Variants in NOL10 observed in about 807,000 individuals in gnomAD.
The protein encoded by NOL10 is nucleolar protein 10, also known as H_NH0074G24.1.
NOL10 carries 58 observed loss-of-function variants against 103.5 expected under a neutral mutation model. That is an observed-to-expected ratio of 0.56 (90% CI 0.45 to 0.70). The LOEUF is 0.70. Ranked by LOEUF, NOL10 falls within the 30% of genes least tolerant of loss-of-function variation. The pLI is 0.00. For synonymous variants in NOL10, 287 were observed against 282.5 expected (o/e 1.02, Z -0.16); for missense variants, 763 against 807.3 (o/e 0.95, Z 0.67).
At chr2:10,655,366 A>G (rs1387539137) in intron 11 of NOL10, among the ~76,000 whole-genome samples, 1 of 152,212 alleles carries the variant, frequency 6.6e-6, no homozygotes, top group Admixed American at 6.5e-5. Context: ...ATGGAAAATG[A>G]GGACAACACT....
chr2:10,633,973 C>T (rs900069605), intron 13 of NOL10, among the ~76,000 whole-genome samples: 8 of 152,018 alleles, frequency 5.3e-5, no homozygotes, highest in African/African-American at 1.7e-4. Context: ...ACTACAGACA[C>T]ATGTCACCAC....
intron 3 of NOL10, among the ~76,000 whole-genome samples, chr2:10,677,878 CAT>C (rs1001869926): frequency 7.5e-5 from 9 of 120,322 alleles, no homozygotes; most frequent in Admixed American, 1.7e-4. Flanking sequence ...TGTGTATACA[CAT>C]ATATATGCGT....
intron 17 of NOL10, among the ~76,000 whole-genome samples, chr2:10,592,869 T>C (rs1020922777): frequency 5.3e-5 from 8 of 152,216 alleles, no homozygotes; most frequent in African/African-American, 1.9e-4. Flanking sequence ...TTCACAGCTG[T>C]CTTAAGGAAA....
At chr2:10,653,384 T>C (rs943713764) in intron 12 of NOL10, among the ~76,000 whole-genome samples, 6 of 152,080 alleles carry the variant, frequency 3.9e-5, no homozygotes, top group African/African-American at 1.4e-4. Flanking sequence ...AAAGAAGCCA[T>C]AATCTTTCCA....
chr2:10,635,777 C>T (rs891831155), intron 13 of NOL10, among the ~76,000 whole-genome samples: 2 of 152,204 alleles, frequency 1.3e-5, no homozygotes, highest in African/African-American at 4.8e-5. Context: ...TATATCCTTA[C>T]TGAACAAATA....
At chr2:10,587,332 G>T (rs1449186878) in intron 19 of NOL10, among the ~76,000 whole-genome samples, 1 of 139,916 alleles carries the variant, frequency 7.1e-6, no homozygotes, top group African/African-American at 2.8e-5. Context: ...GTGCAGTGGC[G>T]TGATCTCAGC....
At chr2:10,611,658 G>A (rs1163270479) in intron 13 of NOL10, among the ~76,000 whole-genome samples, 1 of 152,130 alleles carries the variant, frequency 6.6e-6, no homozygotes, top group African/African-American at 2.4e-5. Context: ...GCTCACACCT[G>A]TAATCCCAGC....
rs750411164 is a variant in NOL10, at chr2:10,602,820, G to A, written c.1288C>T (p.Arg430Ter). The A allele has an allele frequency of 4.3e-6, 7 of 1,609,552 alleles. No individual in the cohort carries two copies. The Admixed American group carries it at 5.0e-5, about 12-fold the overall frequency. ...GCACGTGTTTCTTCTATTTTCTGTCGTATTTTATCTTTCCTATATTCTTCA... is the reference window on the plus strand; with the variant it reads ...GCACGTGTTTCTTCTATTTTCTGTCATATTTTATCTTTCCTATATTCTTCA... ...AYEEYRKDKI[R>*]QKIEETRAQR... Residue 430 changes from arginine (R) to a stop codon, truncating the protein, a stop_gained, in exon 16 of 21, where the codon CGA becomes TGA. Coordinates refer to ENST00000381685, the MANE Select transcript of NOL10 (RefSeq NM_024894.4). LOFTEE classifies it high-confidence loss of function.
intron 13 of NOL10, among the ~76,000 whole-genome samples, chr2:10,628,253 C>T (rs1409920102): frequency 6.6e-6 from 1 of 152,130 alleles, no homozygotes; most frequent in Non-Finnish European, 1.5e-5. Context: ...CAACTTACCA[C>T]CACTAGCAGA....
intron 19 of NOL10, among the ~76,000 whole-genome samples, chr2:10,579,218 G>A (rs939198735): frequency 6.6e-6 from 1 of 152,100 alleles, no homozygotes; most frequent in Non-Finnish European, 1.5e-5. Flanking sequence ...CATAAAAGTG[G>A]CACTCTTTTC....
At chr2:10,612,548 G>A (rs982226621) in intron 13 of NOL10, among the ~76,000 whole-genome samples, 6 of 151,990 alleles carry the variant, frequency 3.9e-5, no homozygotes, top group African/African-American at 1.2e-4. Flanking sequence ...CGTATCCCAG[G>A]CTGGAGTACA....
intron 13 of NOL10, among the ~76,000 whole-genome samples, chr2:10,636,079 G>T (rs1308593730): frequency 6.6e-6 from 1 of 151,946 alleles, no homozygotes; most frequent in Non-Finnish European, 1.5e-5. Context: ...GTAGAGACAG[G>T]GTTTCGCCTT....
rs192939024 is a variant in NOL10 at position 10,612,951 on chromosome 2, C to A, written c.1027-5640G>T. Among the ~76,000 whole-genome samples, 275 of 151,014 alleles carry A rather than the reference C, an allele frequency of 1.8e-3. 1 individual carries two copies. The highest frequency in any genetic ancestry group is 1.9e-4 in the Non-Finnish European group (13 of 67,868). Reference sequence around the variant, plus strand: ...GGCTGAGATGGGAGGATCACCTGAGCCATGATCACGCCACTGCATTCCAGC... The same window carrying A: ...GGCTGAGATGGGAGGATCACCTGAGACATGATCACGCCACTGCATTCCAGC... On this transcript the variant is annotated intron_variant, in intron 13 of 20. Transcript: ENST00000381685.
At chr2:10,648,194 A>G (rs774439632) in intron 12 of NOL10, among the ~76,000 whole-genome samples, 17 of 152,228 alleles carry the variant, frequency 1.1e-4, no homozygotes, top group Admixed American at 7.2e-4. Context: ...CAGCCTTGGT[A>G]TAAGAAAAAT....
chr2:10,660,325 AT>A (rs1057409591), intron 9 of NOL10, among the ~76,000 whole-genome samples: 1 of 151,606 alleles, frequency 6.6e-6, no homozygotes, highest in Non-Finnish European at 1.5e-5. Context: ...TTCTTCACAT[AT>A]TTTTTTTGGA....
At chr2:10,648,501 C>T (rs554180723) in intron 12 of NOL10, among the ~76,000 whole-genome samples, 2 of 152,228 alleles carry the variant, frequency 1.3e-5, no homozygotes, top group East Asian at 3.9e-4. Flanking sequence ...TAACCTCTTA[C>T]GAGTTATTAG....
intron 8 of NOL10, among the ~76,000 whole-genome samples, chr2:10,666,504 T>C (rs1047114566): frequency 2.6e-5 from 4 of 152,166 alleles, no homozygotes; most frequent in Non-Finnish European, 4.4e-5. Context: ...AATTTTTGTA[T>C]TTTTAGTAGA....
At chr2:10,603,756 C>T (rs1316739530) in intron 14 of NOL10, among the ~76,000 whole-genome samples, 2 of 152,200 alleles carry the variant, frequency 1.3e-5, no homozygotes, top group Admixed American at 1.3e-4. Context: ...AATACTTTCA[C>T]AGAGTTTCCC....
chr2:10,587,349 C>CA (rs945812970), intron 19 of NOL10, among the ~76,000 whole-genome samples: 1 of 143,808 alleles, frequency 7.0e-6, no homozygotes, highest in Non-Finnish European at 1.5e-5. Flanking sequence ...CAGCTCACTG[C>CA]AACCTCTGCC....
Sources: gnomAD v4.1 joint callset for allele counts (sites outside exome capture counted in the v4.1 genomes callset) on GRCh38, gnomAD v4.1.1 for gene constraint, MANE v1.5 for transcripts, NCBI Gene and HGNC (gene_info 2026-07-23, HGNC 2026-07-21) for gene names.